Variants in KLHL30 observed in about 807,000 individuals in gnomAD.
KLHL30 encodes kelch like family member 30.
Under a neutral mutation model 55.0 loss-of-function variants are expected in KLHL30, and 55 were observed. That is an observed-to-expected ratio of 1.00 (90% CI 0.80 to 1.25). The LOEUF is 1.25. KLHL30 is among the 50% of genes most tolerant of loss of function. KLHL30 has a pLI of 0.00. For synonymous variants in KLHL30, 356 were observed against 372.6 expected, an observed-to-expected ratio of 0.96 and a Z score of 0.51; for missense variants, 786 against 811.6, an observed-to-expected ratio of 0.97 and a Z score of 0.38.
rs748775378 is a variant in KLHL30, at chr2:238,145,726, G to A, written c.1044G>A (p.Trp348Ter). ...KTDTWSTTQA[W>*]CFPLKEASWK... is the part of the protein sequence containing the mutation. ...ACACCTGGTCAACCACCCAGGCCTG[G>A]TGCTTCCCCCTGAAGGAGGCCTCCT... The change falls in exon 5 of 8, where the codon TGG becomes TGA. Residue 348 changes from tryptophan (W) to a stop codon, truncating the protein, a stop_gained. Transcript: ENST00000409223. LOFTEE classifies it high-confidence loss of function. The A allele has an allele frequency of 2.4e-5, 39 of 1,593,396 alleles. No individual in the cohort carries two copies. The highest frequency in any genetic ancestry group is 3.2e-5 in the Non-Finnish European group (38 of 1,171,472).
Position 238,152,359 on chromosome 2 carries a change from C to CT in KLHL30, c.*1320dup, listed in dbSNP as rs5839689. Reference sequence around the variant, plus strand: ...TTGCTCCCAGACCTGCCTCTCATAGCTTTTTTTTTTTTTTTTTTTTTTTTT... The same window carrying CT: ...TTGCTCCCAGACCTGCCTCTCATAGCTTTTTTTTTTTTTTTTTTTTTTTTTT... On this transcript the variant is annotated 3_prime_UTR_variant, in exon 8 of 8. Coordinates refer to ENST00000409223, the MANE Select transcript of KLHL30 (RefSeq NM_198582.4). The CT allele has an allele frequency of 0.058, 5,753 of 98,758 alleles. 1,093 individuals carry two copies. The highest frequency in any genetic ancestry group is 0.069 in the Non-Finnish European group (3,492 of 50,714). The allele number at this position is 98,758 out of a possible 1,614,324, so 6.1% of individuals were successfully genotyped here. A position where few individuals can be genotyped will look rare whatever the true frequency, so the allele number is the denominator to read the frequency against.
rs369675751 is a variant in KLHL30, at chr2:238,145,793, G to A, written c.1111G>A (p.Ala371Thr). ...CATGCTGAAGCCCCGCACCAACCAC[G>A]CCAGCGCGGCCCTCAATGGGGAGAT... ...APMLKPRTNH[A>T]SAALNGEIYV... Residue 371 changes from alanine (A) to threonine (T), a missense_variant, in exon 5 of 8, where the codon GCC becomes ACC. Ala to Thr is a moderately conservative substitution (Grantham distance 58). Transcript: ENST00000409223. 2 of 1,607,874 alleles carry A rather than the reference G, an allele frequency of 1.2e-6. No homozygotes were observed. Among genetic ancestry groups the A allele is most frequent in the African/African-American group, 1.3e-5 (1 of 74,838 alleles).
At chr2:238,146,848 C>T (rs1314097045) in intron 5 of KLHL30, among the ~76,000 whole-genome samples, 3 of 151,590 alleles carry the variant, frequency 2.0e-5, no homozygotes, top group Admixed American at 1.3e-4. Flanking sequence ...GGTGAAACCC[C>T]GTCTCTACTA....
chr2:238,146,180 A>G (rs916829248), intron 5 of KLHL30, among the ~76,000 whole-genome samples: 3 of 152,078 alleles, frequency 2.0e-5, no homozygotes, highest in African/African-American at 7.2e-5. Context: ...AGCTACAGCA[A>G]GGAGTCACCC....
chr2:238,144,851 C>T, intron 3 of KLHL30, 51 bp from the exon 4 acceptor site: 2 of 1,409,092 alleles, frequency 1.4e-6, no homozygotes, highest in Non-Finnish European at 2.0e-6. Flanking sequence ...TGGGGACCAC[C>T]CCAGCAGGGA....
In KLHL30 at chr2:238,148,013, C is replaced by T; in HGVS notation, c.1330C>T (p.Pro444Ser). 1 of 1,457,650 alleles carries T rather than the reference C, an allele frequency of 6.9e-7. No individual in the cohort carries two copies. The highest frequency in any genetic ancestry group is 9.1e-7 in the Non-Finnish European group (1 of 1,096,088). 90.3% of individuals were successfully genotyped at this position (1,457,650 alleles called of 1,614,324 possible). A position where few individuals can be genotyped will look rare whatever the true frequency, so the allele number is the denominator to read the frequency against. Reference protein sequence around the residue: ...YNALALQCYNPVTDAWSVIAS... With the variant: ...YNALALQCYNSVTDAWSVIAS... ...CGCCCTGGCCCTGCAGTGCTACAAC[C>T]CTGTCACAGGTGGGTGGGGCTCAGG... Residue 444 changes from proline (P) to serine (S), a missense_variant, in exon 6 of 8, where the codon CCT becomes TCT. Transcript: ENST00000409223.
rs767803796 is a variant in KLHL30 at position 238,148,131 on chromosome 2, C to G, written c.1339+109C>G. On this transcript the variant is annotated intron_variant, in intron 6 of 7. Transcript: ENST00000409223. ...GGGGCTCCTGAGGATAGACGGGGCC[C>G]GGGGTGGAGAGAGCCGGCGGCCGCA... The G allele has an allele frequency of 2.7e-6, 3 of 1,117,320 alleles. No individual in the cohort carries two copies. In the African/African-American group the frequency reaches 4.9e-5, roughly 18 times the overall value. The allele number at this position is 1,117,320 out of a possible 1,614,324, so 69.2% of individuals were successfully genotyped here.
chr2:238,141,003 G>C lies in KLHL30; in HGVS notation c.249G>C (p.Val83=), dbSNP rs1440989847. The C allele has an allele frequency of 1.2e-6, 2 of 1,612,382 alleles. No individual in the cohort carries two copies. The highest frequency in any genetic ancestry group is 1.7e-5 in the Admixed American group (1 of 60,002). The change falls in exon 2 of 8, where the codon GTG becomes GTC. Residue 83 remains valine (V), a synonymous_variant. Transcript: ENST00000409223. The part of the protein sequence containing the change: ...RVELRDVEPA[V]VGQLVDFVYT... ...AGCTGCGGGACGTGGAGCCCGCCGT[G>C]GTGGGACAACTGGTGGACTTCGTGT... is the stretch of plus-strand genomic sequence containing the variant.
At position 238,147,640 on chromosome 2, in the gene KLHL30, C is replaced by CCA. The variant is rs1692670686; in HGVS notation, c.1151-192_1151-191dup. Reference sequence around the variant, plus strand: ...CATTTCTAGGCCCGAGTGTCCACCCCCACCCCCACCACTTCCTGGCGGGGC... The same window carrying CCA: ...CATTTCTAGGCCCGAGTGTCCACCCCCACACCCCCACCACTTCCTGGCGGGGC... On this transcript the variant is annotated intron_variant, in intron 5 of 7. Coordinates refer to ENST00000409223, the MANE Select transcript of KLHL30 (RefSeq NM_198582.4). The surrounding 1 kb of genome is among the most constrained non-coding windows in gnomAD (Gnocchi z 5.8). 6.6e-6 allele frequency among the ~76,000 whole-genome samples: 1 copy of CCA among 152,152 alleles called. No homozygotes were observed. The highest frequency in any genetic ancestry group is 1.5e-5 in the Non-Finnish European group (1 of 67,990).
chr2:238,145,454 T>C (rs568549729), intron 4 of KLHL30, among the ~76,000 whole-genome samples: 3 of 152,328 alleles, frequency 2.0e-5, no homozygotes, highest in African/African-American at 7.2e-5. Context: ...AAGCTTCTGC[T>C]GATGGGGGCT....
chr2:238,139,471 C>T (rs1391145556), intron 1 of KLHL30, among the ~76,000 whole-genome samples: 1 of 152,202 alleles, frequency 6.6e-6, no homozygotes, highest in African/African-American at 2.4e-5. Flanking sequence ...GCCCCGGCCA[C>T]GTGAGCTGCC....
Position 238,140,667 on chromosome 2 carries a change from T to A in KLHL30, c.-70-18T>A, listed in dbSNP as rs1301065226. On this transcript the variant is annotated intron_variant, in intron 1 of 7. Transcript: ENST00000409223. Reference sequence around the variant, plus strand: ...GAGACCATCCCCACTTGGCTGACCCTGCTCTCTTCTCTCCTAGGAGCTCGG... The same window carrying A: ...GAGACCATCCCCACTTGGCTGACCCAGCTCTCTTCTCTCCTAGGAGCTCGG... 3.6e-6 allele frequency: 5 copies of A among 1,388,312 alleles called. No individual in the cohort carries two copies. The Admixed American group carries it at 1.4e-4, about 39-fold the overall frequency. 86.0% of individuals were successfully genotyped at this position (1,388,312 alleles called of 1,614,324 possible). A position where few individuals can be genotyped will look rare whatever the true frequency, so the allele number is the denominator to read the frequency against.
intron 1 of KLHL30, among the ~76,000 whole-genome samples, chr2:238,140,405 T>C (rs71425002): frequency 0.015 from 2,265 of 152,270 alleles, 24 homozygotes; most frequent in South Asian, 0.034. Flanking sequence ...GGGCATGGGT[T>C]CTTTTGCCAA....
intron 4 of KLHL30, among the ~76,000 whole-genome samples, chr2:238,145,419 T>C (rs1214110190): frequency 6.6e-6 from 1 of 151,970 alleles, no homozygotes; most frequent in East Asian, 1.9e-4. Context: ...GAGATTGGGG[T>C]TCCTTGTAAG....
intron 3 of KLHL30, among the ~76,000 whole-genome samples, chr2:238,144,301 C>T (rs1215891197): frequency 6.6e-6 from 1 of 152,120 alleles, no homozygotes; most frequent in Admixed American, 6.6e-5. Flanking sequence ...AGATTTGGAC[C>T]TGCTCTGCCT....
chr2:238,140,621 G>T (rs956139799), intron 1 of KLHL30, 64 bp from the exon 2 acceptor site: 9 of 837,642 alleles, frequency 1.1e-5, no homozygotes, highest in Non-Finnish European at 1.5e-5. Context: ...TGGACAGACC[G>T]GGTGGGTTGC....
intron 2 of KLHL30, among the ~76,000 whole-genome samples, 185 bp from the exon 3 acceptor site, chr2:238,142,614 T>C (rs992048672): frequency 1.3e-5 from 2 of 152,182 alleles, no homozygotes; most frequent in Non-Finnish European, 2.9e-5. Context: ...GTTCAGGAAC[T>C]CCAGGAATGC....
At position 238,149,021 on chromosome 2, in the gene KLHL30, A is replaced by G; in HGVS notation, c.1354A>G (p.Ile452Val). The G allele has an allele frequency of 3.7e-6, 6 of 1,604,302 alleles. No individual in the cohort carries two copies. Among genetic ancestry groups the G allele is most frequent in the African/African-American group, 1.3e-5 (1 of 74,964 alleles). Residue 452 changes from isoleucine (I) to valine (V), a missense_variant, in exon 7 of 8, where the codon ATC becomes GTC. Physicochemically the swap from Ile to Val is conservative, Grantham distance 29. Transcript: ENST00000409223. ...GCCCCCCACAGATGCGTGGAGTGTG[A>G]TCGCCTCGCCCTTCCTGCCCAAGTA... is the stretch of plus-strand genomic sequence containing the variant. The part of the protein sequence containing the change: ...YNPVTDAWSV[I>V]ASPFLPKYLS...
Position 238,149,048 on chromosome 2 carries a change from C to T in KLHL30, c.1381C>T (p.Leu461=), listed in dbSNP as rs763336391. ...CGCCTCGCCCTTCCTGCCCAAGTAC[C>T]TGTCCTCGCCTCGCTGTGCTGCACT... ...VIASPFLPKY[L]SSPRCAALHG... The change falls in exon 7 of 8, where the codon CTG becomes TTG. Residue 461 remains leucine (L), a synonymous_variant. Coordinates refer to ENST00000409223, the MANE Select transcript of KLHL30 (RefSeq NM_198582.4). 15 of 1,612,922 alleles carry T rather than the reference C, an allele frequency of 9.3e-6. 1 individual carries two copies. The South Asian group carries it at 1.4e-4, about 15-fold the overall frequency.
Sources: allele counts gnomAD v4.1 joint callset (sites outside exome capture counted in the v4.1 genomes callset), GRCh38; gene constraint gnomAD v4.1.1; non-coding constraint Gnocchi (gnomAD v3.1); transcripts MANE v1.5; gene names NCBI Gene and HGNC (gene_info 2026-07-23, HGNC 2026-07-21).